DYSF: variants seen among roughly 807,000 people sequenced by gnomAD.
DYSF encodes the protein dysferlin.
A neutral mutation model predicts 274.9 loss-of-function variants in DYSF; 212 were observed. The observed-to-expected ratio is 0.77, with a 90% CI of 0.69 to 0.86. DYSF has a LOEUF of 0.86. Among genes scored for constraint, DYSF ranks in the 40% least tolerant of loss-of-function variants. The pLI is 0.00. For synonymous variants in DYSF, 1,091 were observed against 1,078.7 expected (o/e 1.01, Z -0.22); for missense variants, 2,666 against 2,783.2 (o/e 0.96, Z 0.95).
At chr2:71,606,148 G>A (rs182720488) in intron 36 of DYSF, among the ~76,000 whole-genome samples, 1 of 152,302 alleles carries the variant, frequency 6.6e-6, no homozygotes, top group African/African-American at 2.4e-5. Context: ...ATGGCTCAGG[G>A]CCTTGGTTCT....
chr2:71,683,979 C>T (rs571140059), intron 55 of DYSF, among the ~76,000 whole-genome samples: 16 of 152,340 alleles, frequency 1.1e-4, no homozygotes, highest in African/African-American at 2.9e-4. Flanking sequence ...TTTGGATGTC[C>T]GGACCAGCTA....
intron 30 of DYSF, among the ~76,000 whole-genome samples, chr2:71,583,891 G>A (rs1432207993): frequency 1.3e-5 from 2 of 152,334 alleles, no homozygotes; most frequent in Non-Finnish European, 2.9e-5. Flanking sequence ...CCCTGGGGGA[G>A]CCCTGTGGCT....
At chr2:71,476,499 C>G (rs1242443255) in intron 1 of DYSF, among the ~76,000 whole-genome samples, 1 of 151,546 alleles carries the variant, frequency 6.6e-6, no homozygotes, top group African/African-American at 2.4e-5. Context: ...CGAGATCACA[C>G]CATCACACTC....
intron 41 of DYSF, among the ~76,000 whole-genome samples, chr2:71,638,312 G>T (rs912217567): frequency 1.4e-5 from 2 of 144,438 alleles, no homozygotes; most frequent in African/African-American, 2.5e-5. Flanking sequence ...TATATTAACA[G>T]AGTTGTGCAA....
chr2:71,521,264 C>T (rs775684456), intron 12 of DYSF, among the ~76,000 whole-genome samples: 5 of 152,130 alleles, frequency 3.3e-5, no homozygotes, highest in Non-Finnish European at 7.3e-5. Flanking sequence ...TGCTCATCTC[C>T]ACATGTCAGT....
chr2:71,613,488 A>G (rs1574355482), intron 40 of DYSF, 78 bp downstream of exon 40: 9 of 1,214,032 alleles, frequency 7.4e-6, no homozygotes, highest in Non-Finnish European at 1.1e-5. Flanking sequence ...CTTCTCCCCT[A>G]CCCTTCATTA....
At chr2:71,483,445 G>A (rs922957681) in intron 3 of DYSF, among the ~76,000 whole-genome samples, 5 of 152,270 alleles carry the variant, frequency 3.3e-5, no homozygotes, top group Non-Finnish European at 7.4e-5. Context: ...TGAAGGCAGG[G>A]GTAGGCTTTG....
At chr2:71,642,518 G>A (rs2094503311) in intron 41 of DYSF, among the ~76,000 whole-genome samples, 2 of 152,178 alleles carry the variant, frequency 1.3e-5, no homozygotes, top group African/African-American at 4.8e-5. Flanking sequence ...TTTCTAGAGT[G>A]GTTACAAGTC....
chr2:71,513,259 C>A lies in DYSF; in HGVS notation c.480C>A (p.Ala160=), dbSNP rs528489776. 409 of 1,551,448 alleles carry A rather than the reference C, an allele frequency of 2.6e-4. No homozygotes were observed. Among genetic ancestry groups the A allele is most frequent in the Non-Finnish European group, 3.5e-4 (398 of 1,146,964 alleles). Residue 160 remains alanine, a synonymous_variant, in exon 6 of 56, where the codon GCC becomes GCA. Transcript: ENST00000410020. The part of the protein sequence containing the change: ...DVVAGGGQSR[A]ETWSLLSDST... ...AGACAGGCGGGGGACAGAGCCGGGCCGAGACTTGGTCCCTGCTCAGTGACA... is the reference window on the plus strand; with the variant it reads ...AGACAGGCGGGGGACAGAGCCGGGCAGAGACTTGGTCCCTGCTCAGTGACA...
At chr2:71,507,488 T>C (rs1370765977) in intron 4 of DYSF, among the ~76,000 whole-genome samples, 1 of 152,260 alleles carries the variant, frequency 6.6e-6, no homozygotes, top group Non-Finnish European at 1.5e-5. Context: ...ATTTATTGTC[T>C]GTCTTCTCTG....
chr2:71,502,925 G>A lies in DYSF; in HGVS notation c.240-289G>A, dbSNP rs12713753. ...GACAACCCTTCATCTCTGGGGAGGC[G>A]TGGCTGGGCCTCTGGGGAGGGGCAG... is the stretch of plus-strand genomic sequence containing the variant. On this transcript the variant is annotated intron_variant, in intron 3 of 55. Transcript: ENST00000410020. 0.52 allele frequency among the ~76,000 whole-genome samples: 79,120 copies of A among 151,894 alleles called. 21,809 individuals are homozygous for A. The highest frequency in any genetic ancestry group is 0.61 in the Non-Finnish European group (41,698 of 67,910).
intron 46 of DYSF, 107 bp from the exon 47 acceptor site, chr2:71,665,055 A>G (rs2094970168): frequency 5.1e-6 from 8 of 1,569,750 alleles, no homozygotes; most frequent in Non-Finnish European, 7.0e-6. Context: ...CTGTAAAAGC[A>G]AGGAGTGGGC....
chr2:71,662,605 G>A (rs1362517501), intron 45 of DYSF, among the ~76,000 whole-genome samples: 3 of 144,686 alleles, frequency 2.1e-5, no homozygotes, highest in Admixed American at 6.9e-5. Context: ...GTATGCGTCT[G>A]TGTGTGTCTG....
chr2:71,569,306 C>A (rs2092294889), intron 26 of DYSF, among the ~76,000 whole-genome samples: 1 of 152,198 alleles, frequency 6.6e-6, no homozygotes, highest in African/African-American at 2.4e-5. Context: ...CTCACACATC[C>A]CCTGAGTGGT....
rs794727690 is a variant in DYSF at position 71,668,777 on chromosome 2, C to A, written c.5481C>A (p.Asp1827Glu). ...IEQGKLQMWV[D>E]LFPKALGRPG... ...AGGGGAAGCTGCAGATGTGGGTCGA[C>A]CTATTTCCGAAGGCCCTGGGGCGGC... The change falls in exon 49 of 56, where the codon GAC (aspartate) becomes GAA (glutamate). Residue 1827 changes from aspartate (D) to glutamate (E), a missense_variant. Coordinates refer to ENST00000410020, the MANE Select transcript of DYSF (RefSeq NM_001130987.2). 1.2e-6 allele frequency: 2 copies of A among 1,613,870 alleles called. No individual in the cohort carries two copies. The highest frequency in any genetic ancestry group is 1.7e-6 in the Non-Finnish European group (2 of 1,179,980).
intron 41 of DYSF, among the ~76,000 whole-genome samples, chr2:71,641,380 C>T (rs1470277567): frequency 2.0e-5 from 3 of 151,940 alleles, no homozygotes; most frequent in East Asian, 1.9e-4. Flanking sequence ...GGGGTTTCAC[C>T]GTGTTAGCCA....
chr2:71,568,393 A>AG, intron 26 of DYSF, 55 bp downstream of exon 26: 8 of 1,600,460 alleles, frequency 5.0e-6, no homozygotes, highest in Non-Finnish European at 6.8e-6. Flanking sequence ...CCCACCATGG[A>AG]CTGCACCCTC....
chr2:71,549,550 C>A (rs1209167898), intron 17 of DYSF, among the ~76,000 whole-genome samples: 1 of 151,990 alleles, frequency 6.6e-6, no homozygotes, highest in Non-Finnish European at 1.5e-5. Context: ...GCTGTCACCT[C>A]TCGGCCTCTG....
At chr2:71,504,768 C>T (rs760864870) in intron 4 of DYSF, among the ~76,000 whole-genome samples, 14 of 152,246 alleles carry the variant, frequency 9.2e-5, no homozygotes, top group African/African-American at 9.6e-5. Flanking sequence ...CCTCAAAGGC[C>T]TGTCCAGCCC....
Sources: allele counts gnomAD v4.1 joint callset (sites outside exome capture counted in the v4.1 genomes callset), GRCh38; gene constraint gnomAD v4.1.1; transcripts MANE v1.5; gene names NCBI Gene and HGNC (gene_info 2026-07-23, HGNC 2026-07-21).